The following CAP2 variants were observed in gnomAD, a reference collection of about 807,000 sequenced individuals.
CAP2 encodes the protein cyclase associated actin cytoskeleton regulatory protein 2, also known as adenylyl cyclase-associated protein 2.
Under a neutral mutation model 57.7 loss-of-function variants are expected in CAP2, and 24 were observed. The observed-to-expected ratio is 0.42, with a 90% CI of 0.30 to 0.58. The LOEUF (loss-of-function observed/expected upper bound fraction) is 0.58. CAP2 is among the 20% of genes least tolerant of loss of function. The pLI, the probability that CAP2 is intolerant of heterozygous loss-of-function variation, is 0.22. For missense variants in CAP2, 501 were observed against 590.3 expected, an observed-to-expected ratio of 0.85 and a Z score of 1.57; for synonymous variants, 194 against 207.2, an observed-to-expected ratio of 0.94 and a Z score of 0.55.
chr6:17,485,630 A>G (rs905178301), intron 4 of CAP2, among the ~76,000 whole-genome samples: 1 of 152,242 alleles, frequency 6.6e-6, no homozygotes, highest in Non-Finnish European at 1.5e-5. Context: ...ATTGATAACT[A>G]CAGGGGTTAG....
intron 2 of CAP2, among the ~76,000 whole-genome samples, chr6:17,422,805 A>T (rs1203608266): frequency 6.6e-6 from 1 of 152,188 alleles, no homozygotes; most frequent in Non-Finnish European, 1.5e-5. Context: ...TTCCTTCTTG[A>T]CTAAGGGACA....
intron 4 of CAP2, among the ~76,000 whole-genome samples, chr6:17,467,514 T>C (rs2113604019): frequency 6.6e-6 from 1 of 152,212 alleles, no homozygotes; most frequent in African/African-American, 2.4e-5. Flanking sequence ...GCAACCCAAT[T>C]ATACTCTTAA....
At chr6:17,532,184 A>G (rs1225476305) in intron 7 of CAP2, among the ~76,000 whole-genome samples, 1 of 116,260 alleles carries the variant, frequency 8.6e-6, no homozygotes, top group African/African-American at 3.5e-5. Flanking sequence ...TCTATCCCCC[A>G]GGCAGGAGTG....
chr6:17,521,970 G>T (rs181277766), intron 7 of CAP2, among the ~76,000 whole-genome samples: 1 of 151,966 alleles, frequency 6.6e-6, no homozygotes. Flanking sequence ...TTAGCTGGGC[G>T]TGGTGGTGCA....
At chr6:17,518,036 A>G (rs1165806964) in intron 7 of CAP2, among the ~76,000 whole-genome samples, 1 of 152,208 alleles carries the variant, frequency 6.6e-6, no homozygotes, top group Non-Finnish European at 1.5e-5. Flanking sequence ...TTATGTGCTC[A>G]CATAATATGC....
chr6:17,402,435 A>G (rs1331261187), intron 1 of CAP2, among the ~76,000 whole-genome samples: 1 of 152,218 alleles, frequency 6.6e-6, no homozygotes, highest in Admixed American at 6.5e-5. Context: ...CTGAGCAGAG[A>G]CCCTTTTGCA....
intron 1 of CAP2, among the ~76,000 whole-genome samples, chr6:17,405,784 AG>A (rs1758948846): frequency 6.6e-6 from 1 of 152,190 alleles, no homozygotes; most frequent in Admixed American, 6.5e-5. Context: ...TCTGTCACTC[AG>A]GCTGGAAGGC....
chr6:17,535,793 C>T (rs1431555477), intron 7 of CAP2, among the ~76,000 whole-genome samples: 1 of 152,104 alleles, frequency 6.6e-6, no homozygotes, highest in Non-Finnish European at 1.5e-5. Flanking sequence ...AATTTCAACA[C>T]ATAGGAAAGA....
intron 1 of CAP2, among the ~76,000 whole-genome samples, chr6:17,418,049 G>A (rs1230595274): frequency 3.3e-5 from 5 of 152,188 alleles, no homozygotes; most frequent in African/African-American, 9.7e-5. Context: ...AGGCGGATGG[G>A]ACTGCCTGGG....
At chr6:17,436,923 A>T (rs1286544199) in intron 3 of CAP2, among the ~76,000 whole-genome samples, 1 of 152,106 alleles carries the variant, frequency 6.6e-6, no homozygotes, top group Non-Finnish European at 1.5e-5. Flanking sequence ...GCGGCATTAG[A>T]TTCTCAGAGG....
At chr6:17,413,007 A>G (rs144206928) in intron 1 of CAP2, among the ~76,000 whole-genome samples, 3 of 152,242 alleles carry the variant, frequency 2.0e-5, no homozygotes, top group Non-Finnish European at 1.5e-5. Context: ...GGAGAGGGAT[A>G]GGGTAGGACA....
intron 3 of CAP2, among the ~76,000 whole-genome samples, chr6:17,460,209 A>G (rs1760684310): frequency 6.6e-6 from 1 of 152,224 alleles, no homozygotes. Flanking sequence ...CAAGGATATT[A>G]TATCCCATCA....
intron 4 of CAP2, among the ~76,000 whole-genome samples, chr6:17,496,024 G>GGGTGGC (rs1246115807): frequency 6.9e-5 from 8 of 115,808 alleles, no homozygotes; most frequent in Admixed American, 8.4e-5. Context: ...ATGCGTGTGT[G>GGGTGGC]GGTGGGGGGG....
chr6:17,494,809 C>T (rs768995830), intron 4 of CAP2, among the ~76,000 whole-genome samples: 6 of 152,154 alleles, frequency 3.9e-5, no homozygotes, highest in East Asian at 1.9e-4. Flanking sequence ...AAGTAGATTG[C>T]GCTTCCAAAT....
At chr6:17,517,306 A>G (rs972700077) in intron 7 of CAP2, among the ~76,000 whole-genome samples, 2 of 152,250 alleles carry the variant, frequency 1.3e-5, no homozygotes, top group Non-Finnish European at 2.9e-5. Flanking sequence ...ATGGAAAATG[A>G]ATAGAAAATT....
At chr6:17,474,724 A>AT (rs147499939) in intron 4 of CAP2, among the ~76,000 whole-genome samples, 4,353 of 152,186 alleles carry the variant, frequency 0.029, 208 homozygotes, top group African/African-American at 0.099. Context: ...TTCTACTGTT[A>AT]TTTTTTTGTG....
chr6:17,494,705 G>T (rs555848678), intron 4 of CAP2, among the ~76,000 whole-genome samples: 1 of 151,986 alleles, frequency 6.6e-6, no homozygotes, highest in Non-Finnish European at 1.5e-5. Flanking sequence ...TTTATGTGTC[G>T]ACTTGGCTGG....
At chr6:17,554,538 G>A (rs140520552) in intron 12 of CAP2, among the ~76,000 whole-genome samples, 26 of 152,376 alleles carry the variant, frequency 1.7e-4, no homozygotes, top group Admixed American at 1.3e-4. Flanking sequence ...GATTACAGGT[G>A]TCAGCCACCG....
intron 4 of CAP2, among the ~76,000 whole-genome samples, chr6:17,485,286 G>A (rs1000580297): frequency 2.2e-4 from 34 of 152,116 alleles, no homozygotes; most frequent in African/African-American, 5.1e-4. Context: ...GCTAGAGTGC[G>A]TGCATAGTAA....
Sources: allele counts gnomAD v4.1 joint callset (sites outside exome capture counted in the v4.1 genomes callset), GRCh38; gene constraint gnomAD v4.1.1; transcripts MANE v1.5; gene names NCBI Gene and HGNC (gene_info 2026-07-23, HGNC 2026-07-21).